Variants in RIF1 observed in about 807,000 individuals in gnomAD.
RIF1 encodes telomere-associated protein RIF1.
In RIF1, 45 loss-of-function variants were observed where a neutral mutation model predicts 247.1. The ratio of observed to expected loss-of-function variants is 0.18; its 90% CI spans 0.14 to 0.23. The LOEUF (loss-of-function observed/expected upper bound fraction) is 0.23, where lower values mean the gene tolerates loss of function less well. Among genes scored for constraint, RIF1 ranks in the 10% least tolerant of loss-of-function variants. The pLI is 1.00. For synonymous variants in RIF1, 1,087 were observed against 978.8 expected, an observed-to-expected ratio of 1.11 and a Z score of -2.06; for missense variants, 2,967 against 2,862.5, an observed-to-expected ratio of 1.04 and a Z score of -0.83.
intron 31 of RIF1, among the ~76,000 whole-genome samples, 158 bp from the exon 32 acceptor site, chr2:151,468,316 G>A (rs1047695721): frequency 1.3e-5 from 2 of 152,150 alleles, no homozygotes; most frequent in African/African-American, 4.8e-5. Context: ...AAAGGTAAGA[G>A]GCAGTAATGA....
intron 20 of RIF1, among the ~76,000 whole-genome samples, chr2:151,448,058 C>T (rs1164699743): frequency 2.6e-5 from 4 of 150,980 alleles, no homozygotes; most frequent in African/African-American, 9.8e-5. Context: ...TTTCTTGCCC[C>T]TGAGACAGAG....
At chr2:151,467,899 A>AGGTT in intron 30 of RIF1, 101 bp from the exon 31 acceptor site, 1 of 1,154,222 alleles carries the variant, frequency 8.7e-7, no homozygotes, top group Non-Finnish European at 1.2e-6. Flanking sequence ...AAATTTTCTA[A>AGGTT]ACCCACATTC....
At position 151,476,832 on chromosome 2, in the gene RIF1, T is replaced by C. The variant is rs2152558306; in HGVS notation, c.*1761T>C. ...TGAGTTTTTAGCAAACAGGTATGAA[T>C]AAGCAGCTATGTATATGTGTTTGGG... is the stretch of plus-strand genomic sequence containing the variant. On this transcript the variant is annotated 3_prime_UTR_variant, in exon 36 of 36. Transcript: ENST00000444746. The C allele has an allele frequency of 6.6e-6, 1 of 152,338 alleles. No individual in the cohort carries two copies. Among genetic ancestry groups the C allele is most frequent in the South Asian group, 2.1e-4 (1 of 4,828 alleles). 9.4% of individuals were successfully genotyped at this position (152,338 alleles called of 1,614,324 possible).
In RIF1 at chr2:151,438,687, T is replaced by C. The variant is rs766929144; in HGVS notation, c.1487T>C (p.Val496Ala). Residue 496 changes from valine to alanine, a missense_variant, in exon 14 of 36, where the codon GTG (valine) becomes GCG (alanine). This residue lies in a region of RIF1 where 369 missense variants were observed against 322.0 expected (regional missense o/e 1.15). Coordinates refer to ENST00000444746, the MANE Select transcript of RIF1 (RefSeq NM_018151.5). ...TCAAGTTTATTTTGTTTGACAGATG[T>C]GGTTGTCAGTGCTATCTGGAAGGAG... ...FVAVGKDAPD[V>A]VVSAIWKELI... 1.9e-6 allele frequency: 3 copies of C among 1,610,184 alleles called. No homozygotes were observed. Among genetic ancestry groups the C allele is most frequent in the African/African-American group, 2.7e-5 (2 of 74,840 alleles).
chr2:151,525,939 C>CG, the RIF1 span: 1 of 1,588,812 alleles, frequency 6.3e-7, no homozygotes, highest in Non-Finnish European at 8.6e-7. Context: ...TGCCAAGAGA[C>CG]CGGTGGTTGA....
intron 8 of RIF1, among the ~76,000 whole-genome samples, chr2:151,426,168 ATT>A (rs35001554): frequency 1.2e-3 from 67 of 58,200 alleles, no homozygotes; most frequent in Middle Eastern, 0.029. Context: ...TTGGCTTTTA[ATT>A]TTTTTTTTTT....
At chr2:151,486,181 G>C, downstream of RIF1, 1 of 447,202 alleles carries the variant, frequency 2.2e-6, no homozygotes, top group South Asian at 3.5e-5. Context: ...CCCACCAAAA[G>C]AGGCAAAGGA....
At chr2:151,471,023 A>G (rs571125591) in intron 34 of RIF1, among the ~76,000 whole-genome samples, 16 of 151,968 alleles carry the variant, frequency 1.1e-4, no homozygotes, top group African/African-American at 3.6e-4. Flanking sequence ...CTAATTTTGA[A>G]TCTTTTTTTT....
Position 151,464,740 on chromosome 2 carries a change from A to G in RIF1, c.5220A>G (p.Gln1740=), listed in dbSNP as rs764198920. ...GTGATTGCTGTGGGGAAAAATCACA[A>G]CCTCAGGAAAAGTCACTCATTGGGT... is the stretch of plus-strand genomic sequence containing the variant. ...KGCDCCGEKS[Q]PQEKSLIGLK... is the part of the protein sequence containing the mutation. Residue 1740 remains glutamine (Q), a synonymous_variant, in exon 30 of 36, where the codon CAA becomes CAG. Coordinates refer to ENST00000444746, the MANE Select transcript of RIF1 (RefSeq NM_018151.5). 8 of 1,613,446 alleles carry G rather than the reference A, an allele frequency of 5.0e-6. No homozygotes were observed. The highest frequency in any genetic ancestry group is 6.8e-6 in the Non-Finnish European group (8 of 1,179,814).
intron 34 of RIF1, among the ~76,000 whole-genome samples, chr2:151,471,544 G>A (rs1037446388): frequency 3.3e-5 from 5 of 152,144 alleles, no homozygotes; most frequent in African/African-American, 9.7e-5. Flanking sequence ...ATTAATTTTT[G>A]TATAAGGTGT....
intron 34 of RIF1, among the ~76,000 whole-genome samples, chr2:151,471,019 T>C (rs1697717549): frequency 6.6e-6 from 1 of 152,044 alleles, no homozygotes; most frequent in South Asian, 2.1e-4. Context: ...TGATCTAATT[T>C]TGAATCTTTT....
chr2:151,464,493 A>G lies in RIF1; in HGVS notation c.4973A>G (p.Lys1658Arg). Residue 1658 changes from lysine (K) to arginine (R), a missense_variant, in exon 30 of 36, where the codon AAA (lysine) becomes AGA (arginine). Around this residue, in one of 7 missense-constraint regions of RIF1, gnomAD observed 2,028 missense variants for 1,825.6 expected, o/e 1.11. Transcript: ENST00000444746. ...TGTGAGGAAAAAAATGAAACTAGCA[A>G]ATATGCAGAATATTCCTTTACAAGT... ...NVCEEKNETS[K>R]YAEYSFTSLP... 1 of 1,612,340 alleles carries G rather than the reference A, an allele frequency of 6.2e-7. No homozygotes were observed. The highest frequency in any genetic ancestry group is 1.7e-4 in the Middle Eastern group (1 of 6,052).
chr2:151,489,839 C>T (rs765995672), intron 9 of RIF1: 72 of 527,046 alleles, frequency 1.4e-4, no homozygotes, highest in South Asian at 4.5e-4. Flanking sequence ...TAATATGAAA[C>T]ATGTAATAAA....
rs2152482418 is a variant in RIF1 at position 151,460,134 on chromosome 2, G to GT, written c.3075+18dup. ...CAGCAGCCAAAGTATGTTTTCAAAAGTTTAATCAAAAATTTTAAGATAAAG... is the reference window on the plus strand; with the variant it reads ...CAGCAGCCAAAGTATGTTTTCAAAAGTTTTAATCAAAAATTTTAAGATAAAG... On this transcript the variant is annotated intron_variant, in intron 26 of 35. Transcript: ENST00000444746. The GT allele has an allele frequency of 6.6e-7, 1 of 1,506,026 alleles. No individual in the cohort carries two copies. Among genetic ancestry groups the GT allele is most frequent in the East Asian group, 2.3e-5 (1 of 43,192 alleles). 93.3% of individuals were successfully genotyped at this position (1,506,026 alleles called of 1,614,324 possible). A position where few individuals can be genotyped will look rare whatever the true frequency, so the allele number is the denominator to read the frequency against.
Position 151,454,878 on chromosome 2 carries a change from T to A in RIF1, c.2345-17T>A. The stretch of plus-strand genomic sequence containing the variant: ...CAATTTATTTGAGTTTTTAATTAAT[T>A]CAGTTTTTGTTTTTAGCACCACAGA... On this transcript the variant is annotated splice_polypyrimidine_tract_variant and intron_variant, in intron 21 of 35. Coordinates refer to ENST00000444746, the MANE Select transcript of RIF1 (RefSeq NM_018151.5). 1 of 1,543,772 alleles carries A rather than the reference T, an allele frequency of 6.5e-7. No homozygotes were observed. The highest frequency in any genetic ancestry group is 1.2e-5 in the South Asian group (1 of 80,350).
At chr2:151,489,933 T>A in intron 9 of RIF1, 1 of 1,483,320 alleles carries the variant, frequency 6.7e-7, no homozygotes, top group Middle Eastern at 1.7e-4. Context: ...TATCAAAAAT[T>A]AAGAATAATT....
Position 151,476,025 on chromosome 2 carries a change from A to G in RIF1, c.*954A>G, listed in dbSNP as rs1274959456. 2.0e-5 allele frequency: 3 copies of G among 152,424 alleles called. No individual in the cohort carries two copies. Among genetic ancestry groups the G allele is most frequent in the African/African-American group, 7.2e-5 (3 of 41,456 alleles). 9.4% of individuals were successfully genotyped at this position (152,424 alleles called of 1,614,324 possible). Reference sequence around the variant, plus strand: ...ACAGTCTTAGTTAAAACATGAGTTTATTTTCTAAAAGTATCCAGAATAAGT... The same window carrying G: ...ACAGTCTTAGTTAAAACATGAGTTTGTTTTCTAAAAGTATCCAGAATAAGT... On this transcript the variant is annotated 3_prime_UTR_variant, in exon 36 of 36. Transcript: ENST00000444746.
At position 151,437,282 on chromosome 2, in the gene RIF1, T is replaced by C. The variant is rs760433586; in HGVS notation, c.1414T>C (p.Ser472Pro). The C allele has an allele frequency of 1.9e-6, 3 of 1,614,112 alleles. No homozygotes were observed. Among genetic ancestry groups the C allele is most frequent in the East Asian group, 2.2e-5 (1 of 44,882 alleles). The change falls in exon 13 of 36, where the codon TCC becomes CCC. Residue 472 changes from serine to proline, a missense_variant. By Grantham distance (74) the Ser-to-Pro change is moderately conservative. Around this residue, in one of 7 missense-constraint regions of RIF1, gnomAD observed 369 missense variants for 322.0 expected, o/e 1.15. Coordinates refer to ENST00000444746, the MANE Select transcript of RIF1 (RefSeq NM_018151.5). ...GTTAATCAGCAGCCCTTCCTTTTTTTCCAAACATGCAAATACACTTATCAC... is the reference window on the plus strand; with the variant it reads ...GTTAATCAGCAGCCCTTCCTTTTTTCCCAAACATGCAAATACACTTATCAC... Reference protein sequence around the residue: ...HPLISSPSFFSKHANTLITAV... With the variant: ...HPLISSPSFFPKHANTLITAV...
chr2:151,420,478 C>T lies in RIF1; in HGVS notation c.693+99C>T, dbSNP rs529918697. 22 of 1,132,056 alleles carry T rather than the reference C, an allele frequency of 1.9e-5. No individual in the cohort carries two copies. In the African/African-American group the frequency reaches 3.1e-4, roughly 16 times the overall value. 70.1% of individuals were successfully genotyped at this position (1,132,056 alleles called of 1,614,324 possible). On this transcript the variant is annotated intron_variant, in intron 7 of 35. Transcript: ENST00000444746. ...TGGTGGCCAGGTACGGTGGCTCTCACCTGTAGTCCCAAAGCGGGAGGCTGA... is the reference window on the plus strand; with the variant it reads ...TGGTGGCCAGGTACGGTGGCTCTCATCTGTAGTCCCAAAGCGGGAGGCTGA...
Sources: gnomAD v4.1 joint callset for allele counts (sites outside exome capture counted in the v4.1 genomes callset) on GRCh38, gnomAD v4.1.1 for gene constraint, gnomAD v4.1.1 regional missense constraint, MANE v1.5 for transcripts, NCBI Gene and HGNC (gene_info 2026-07-23, HGNC 2026-07-21) for gene names.